GAS7: variants seen among roughly 807,000 people sequenced by gnomAD.
GAS7 encodes the protein growth arrest specific 7.
A neutral mutation model predicts 71.1 loss-of-function variants in GAS7; 28 were observed. That is an observed-to-expected ratio of 0.39 (90% confidence interval 0.29 to 0.54). The LOEUF (loss-of-function observed/expected upper bound fraction) is 0.54. Ranked by LOEUF, GAS7 falls within the 20% of genes least tolerant of loss-of-function variation. The probability of loss-of-function intolerance (pLI) is 0.62; values close to 1 mark genes in which losing one functional copy is unlikely to be tolerated. For missense variants in GAS7, 436 were observed against 627.8 expected (o/e 0.69, Z 3.27); for synonymous variants, 258 against 245.8 (o/e 1.05, Z -0.46).
chr17:9,965,291 C>CTAGA (rs10664666), intron 4 of GAS7, among the ~76,000 whole-genome samples: 74,475 of 151,620 alleles, frequency 0.49, 18,294 homozygotes, highest in Admixed American at 0.53. Context: ...CAATGATAGA[C>CTAGA]TAAAGAAAAT....
At chr17:10,060,212 G>A (rs1181198918) in intron 1 of GAS7, among the ~76,000 whole-genome samples, 1 of 152,222 alleles carries the variant, frequency 6.6e-6, no homozygotes, top group African/African-American at 2.4e-5. Flanking sequence ...GGTGCTTCTG[G>A]AAACAAGGCT....
At chr17:9,951,570 C>A (rs1418726489) in intron 5 of GAS7, among the ~76,000 whole-genome samples, 1 of 152,070 alleles carries the variant, frequency 6.6e-6, no homozygotes, top group East Asian at 1.9e-4. Context: ...CAGCCTGACC[C>A]ACATGGAGAA....
intron 1 of GAS7, among the ~76,000 whole-genome samples, chr17:10,029,540 CTGAG>C (rs1257276480): frequency 6.6e-6 from 1 of 152,056 alleles, no homozygotes; most frequent in Non-Finnish European, 1.5e-5. Flanking sequence ...AAATTATAAC[CTGAG>C]TCTCAAATAT....
At chr17:9,942,150 A>T (rs2068623945) in intron 7 of GAS7, among the ~76,000 whole-genome samples, 1 of 152,068 alleles carries the variant, frequency 6.6e-6, no homozygotes, top group Non-Finnish European at 1.5e-5. Context: ...GCTACTCCAG[A>T]GGCTGAGACA....
intron 1 of GAS7, among the ~76,000 whole-genome samples, chr17:10,038,951 A>G (rs2072811004): frequency 6.6e-6 from 1 of 152,148 alleles, no homozygotes; most frequent in South Asian, 2.1e-4. Flanking sequence ...ACAAAGGGAC[A>G]AATACCATTT....
Position 9,911,168 on chromosome 17 carries a change from C to T in GAS7, c.*6060G>A, listed in dbSNP as rs144672143. 5.7e-3 allele frequency: 1,324 copies of T among 233,182 alleles called. 7 individuals are homozygous for T. Among genetic ancestry groups the T allele is most frequent in the Non-Finnish European group, 7.4e-3 (874 of 118,032 alleles). 14.4% of individuals were successfully genotyped at this position (233,182 alleles called of 1,614,324 possible). A position where few individuals can be genotyped will look rare whatever the true frequency, so the allele number is the denominator to read the frequency against. On this transcript the variant is annotated 3_prime_UTR_variant, in exon 14 of 14. Transcript: ENST00000432992. This position sits in a 1 kb window ranked among gnomAD's most constrained non-coding sequence, Gnocchi z 4.0. ...GGTCCACACAGCTGCCTGGAACCCA[C>T]GACTCCCGAGAGCCCGTCTGCTGCA...
intron 1 of GAS7, among the ~76,000 whole-genome samples, chr17:10,150,382 C>CTTCTCTTT (rs1299976527): frequency 2.1e-5 from 3 of 140,806 alleles, no homozygotes; most frequent in African/African-American, 8.1e-5. Flanking sequence ...CTCTCCTTTT[C>CTTCTCTTT]TTCTCTTTCT....
At chr17:9,982,861 G>C (rs982005673) in intron 2 of GAS7, among the ~76,000 whole-genome samples, 1 of 143,984 alleles carries the variant, frequency 6.9e-6, no homozygotes, top group Non-Finnish European at 1.5e-5. Context: ...AAGAAAGAAA[G>C]AAAGAAAGCA....
chr17:10,134,289 C>A (rs2074021967), intron 1 of GAS7, among the ~76,000 whole-genome samples: 1 of 152,110 alleles, frequency 6.6e-6, no homozygotes, highest in African/African-American at 2.4e-5. Context: ...CCTCGGCCTC[C>A]CAAAGTGCTG....
intron 4 of GAS7, among the ~76,000 whole-genome samples, chr17:9,963,001 C>G (rs919204952): frequency 6.7e-6 from 1 of 148,622 alleles, no homozygotes; most frequent in Non-Finnish European, 1.5e-5. Flanking sequence ...TATAAGACAC[C>G]TGACCTGGAC....
chr17:10,029,982 T>A (rs1046326092), intron 1 of GAS7, among the ~76,000 whole-genome samples: 1 of 152,118 alleles, frequency 6.6e-6, no homozygotes, highest in African/African-American at 2.4e-5. Flanking sequence ...CCCGTCCCCA[T>A]AGTGAAGCAT....
intron 1 of GAS7, among the ~76,000 whole-genome samples, chr17:10,090,219 T>C (rs1039104168): frequency 3.3e-5 from 5 of 151,124 alleles, no homozygotes; most frequent in Non-Finnish European, 5.9e-5. Context: ...GAGGTGTGAG[T>C]GTGCTGTTTT....
chr17:10,064,335 C>G (rs1311196678), intron 1 of GAS7, among the ~76,000 whole-genome samples: 1 of 152,236 alleles, frequency 6.6e-6, no homozygotes, highest in African/African-American at 2.4e-5. Context: ...CTACAAAGCA[C>G]AGCAGGCTCT....
chr17:10,030,164 G>C (rs72807397), intron 1 of GAS7, among the ~76,000 whole-genome samples: 67 of 152,306 alleles, frequency 4.4e-4, no homozygotes, highest in Middle Eastern at 6.8e-3. Context: ...CCAAATCCCT[G>C]GTGCTGTGAG....
At chr17:10,036,416 A>G in intron 1 of GAS7, 1 of 1,598,224 alleles carries the variant, frequency 6.3e-7, no homozygotes, top group Non-Finnish European at 8.6e-7. Flanking sequence ...TCTGCAGGCA[A>G]GAAAAATCAA....
At chr17:10,049,019 C>T (rs1485987262) in intron 1 of GAS7, among the ~76,000 whole-genome samples, 2 of 152,204 alleles carry the variant, frequency 1.3e-5, no homozygotes, top group Admixed American at 6.5e-5. Flanking sequence ...AAGGCCAGTG[C>T]AGATGAAGCA....
At chr17:9,996,806 A>G (rs1333278996) in intron 2 of GAS7, among the ~76,000 whole-genome samples, 3 of 151,626 alleles carry the variant, frequency 2.0e-5, no homozygotes, top group Non-Finnish European at 4.4e-5. Context: ...ACCCAGGTTC[A>G]TTTTTATATT....
rs982608247 is a variant in GAS7, at chr17:10,004,284, G to A, written c.304+15493C>T. Among the ~76,000 whole-genome samples, 7 of 152,268 alleles carry A rather than the reference G, an allele frequency of 4.6e-5. No homozygotes were observed. The East Asian group carries it at 1.3e-3, about 29-fold the overall frequency. ...GAGCCCAGCACAGGGAAGGTATTTA[G>A]CAAATACTTGTTACTTGATAATCAA... On this transcript the variant is annotated intron_variant, in intron 2 of 13. Coordinates refer to ENST00000432992, the MANE Select transcript of GAS7 (RefSeq NM_201433.2).
At chr17:9,965,701 C>T (rs2109025) in intron 4 of GAS7, among the ~76,000 whole-genome samples, 2 of 152,330 alleles carry the variant, frequency 1.3e-5, no homozygotes, top group South Asian at 2.1e-4. Flanking sequence ...AAAGATGATT[C>T]GCCTTTGATC....
Sources: allele counts gnomAD v4.1 joint callset (sites outside exome capture counted in the v4.1 genomes callset), GRCh38; gene constraint gnomAD v4.1.1; non-coding constraint Gnocchi (gnomAD v3.1); transcripts MANE v1.5; gene names NCBI Gene and HGNC (gene_info 2026-07-23, HGNC 2026-07-21).